LHFPL3: variants seen among roughly 807,000 people sequenced by gnomAD.
The protein encoded by LHFPL3 is LHFPL tetraspan subfamily member 3, also known as LHFPL tetraspan subfamily member 3 protein.
A neutral mutation model predicts 19.3 loss-of-function variants in LHFPL3; 5 were observed. That is an observed-to-expected ratio of 0.26 (90% CI 0.14 to 0.54). The LOEUF (loss-of-function observed/expected upper bound fraction) is 0.54, where lower values mean the gene tolerates loss of function less well. LHFPL3 is among the 20% of genes least tolerant of loss of function. LHFPL3 has a pLI of 0.94. For missense variants in LHFPL3, 249 were observed against 307.4 expected (o/e 0.81, Z 1.42); for synonymous variants, 133 against 126.2 (o/e 1.05, Z -0.36).
chr7:104,416,654 T>C (rs1791628562), intron 1 of LHFPL3, among the ~76,000 whole-genome samples: 1 of 152,236 alleles, frequency 6.6e-6, no homozygotes, highest in Non-Finnish European at 1.5e-5. Context: ...CAGAGAAACA[T>C]GCTCAGATGC....
intron 2 of LHFPL3, among the ~76,000 whole-genome samples, chr7:104,744,358 A>G (rs1794001262): frequency 6.6e-6 from 1 of 152,218 alleles, no homozygotes; most frequent in African/African-American, 2.4e-5. Context: ...AAAAAAAAGT[A>G]TCTTCAAGTG....
chr7:104,401,237 T>G (rs1053004517), intron 1 of LHFPL3, among the ~76,000 whole-genome samples: 1 of 152,204 alleles, frequency 6.6e-6, no homozygotes, highest in African/African-American at 2.4e-5. Flanking sequence ...TTCCTAATAT[T>G]TATCCCAAAT....
intron 2 of LHFPL3, among the ~76,000 whole-genome samples, chr7:104,887,451 G>A (rs1792171204): frequency 6.6e-6 from 1 of 152,142 alleles, no homozygotes; most frequent in South Asian, 2.1e-4. Flanking sequence ...AATCCCACTG[G>A]GGATTTCTGA....
At chr7:104,771,722 C>T (rs1211824511) in intron 2 of LHFPL3, among the ~76,000 whole-genome samples, 1 of 151,340 alleles carries the variant, frequency 6.6e-6, no homozygotes, top group Non-Finnish European at 1.5e-5. Flanking sequence ...CTACCCTCTC[C>T]AGTGAAAATA....
At chr7:104,446,188 T>C (rs373449369) in intron 1 of LHFPL3, among the ~76,000 whole-genome samples, 3 of 152,182 alleles carry the variant, frequency 2.0e-5, no homozygotes, top group Non-Finnish European at 4.4e-5. Context: ...TCAGTAGAAA[T>C]TGACTTAAAG....
rs55881808 is a variant in LHFPL3, at chr7:104,398,844, G to T, written c.445+69620G>T. Among the ~76,000 whole-genome samples, 538 of 70,572 alleles carry T rather than the reference G, an allele frequency of 7.6e-3. 4 individuals carry two copies. Among genetic ancestry groups the T allele is most frequent in the African/African-American group, 0.021 (505 of 24,398 alleles). The allele number at this position is 70,572 out of a possible 152,430, so 46.3% of individuals were successfully genotyped here. On this transcript the variant is annotated intron_variant, in intron 1 of 2. Coordinates refer to ENST00000424859, the MANE Select transcript of LHFPL3 (RefSeq NM_199000.3). ...CTTCTGGAAATGTTTTCTGATGCCC[G>T]CCCCCCGGCCCTGAATACTCCCTTA...
chr7:104,565,763 CTATCTATCT>C, intron 1 of LHFPL3, among the ~76,000 whole-genome samples: 1 of 148,676 alleles, frequency 6.7e-6, no homozygotes, highest in East Asian at 2.0e-4. Flanking sequence ...ATCTATCTAT[CTATCTATCT>C]AATCTATCTA....
chr7:104,801,551 A>ATGTT (rs1790245865), intron 2 of LHFPL3, among the ~76,000 whole-genome samples: 1 of 151,726 alleles, frequency 6.6e-6, no homozygotes, highest in Non-Finnish European at 1.5e-5. Context: ...TTGTTTTTGT[A>ATGTT]TGTTTGTTTG....
chr7:104,576,969 G>C (rs1443267352), intron 1 of LHFPL3, among the ~76,000 whole-genome samples: 1 of 152,060 alleles, frequency 6.6e-6, no homozygotes, highest in Non-Finnish European at 1.5e-5. Context: ...CCTTTCTTGG[G>C]CCTTGGGCTC....
At chr7:104,641,931 G>A (rs988525939) in intron 1 of LHFPL3, among the ~76,000 whole-genome samples, 1 of 151,882 alleles carries the variant, frequency 6.6e-6, no homozygotes, top group Admixed American at 6.6e-5. Context: ...CAAAATAGTA[G>A]CTGATGTTTT....
intron 2 of LHFPL3, among the ~76,000 whole-genome samples, chr7:104,836,420 C>G (rs1213729175): frequency 1.3e-5 from 2 of 152,120 alleles, no homozygotes; most frequent in Non-Finnish European, 2.9e-5. Flanking sequence ...GCGTGCTGGC[C>G]CCATATGCTA....
At chr7:104,471,083 G>A (rs957833581) in intron 1 of LHFPL3, among the ~76,000 whole-genome samples, 1 of 152,040 alleles carries the variant, frequency 6.6e-6, no homozygotes. Context: ...CTTTAAACAT[G>A]GAATTCTCGT....
intron 1 of LHFPL3, among the ~76,000 whole-genome samples, chr7:104,348,075 G>A (rs1349578042): frequency 6.6e-6 from 1 of 152,138 alleles, no homozygotes; most frequent in African/African-American, 2.4e-5. Flanking sequence ...ATTTCTGTAT[G>A]ATCTAAGCTC....
At chr7:104,805,932 G>T (rs1790352381) in intron 2 of LHFPL3, among the ~76,000 whole-genome samples, 1 of 152,178 alleles carries the variant, frequency 6.6e-6, no homozygotes, top group African/African-American at 2.4e-5. Flanking sequence ...TGATTCCACA[G>T]CTCAGTATAG....
At position 104,469,393 on chromosome 7, in the gene LHFPL3, T is replaced by C. The variant is rs1488281022; in HGVS notation, c.445+140169T>C. On this transcript the variant is annotated intron_variant, in intron 1 of 2. Transcript: ENST00000424859. ...CAGTGCTACTCATTTTGTGACTGTT[T>C]CCTGGTAGGCATTAGTTGGGAATGG... is the stretch of plus-strand genomic sequence containing the variant. Among the ~76,000 whole-genome samples, 3 of 152,348 alleles carry C rather than the reference T, an allele frequency of 2.0e-5. No individual in the cohort carries two copies. The East Asian group carries it at 5.8e-4, about 29-fold the overall frequency.
chr7:104,335,740 A>C (rs10245170), intron 1 of LHFPL3, among the ~76,000 whole-genome samples: 12 of 151,658 alleles, frequency 7.9e-5, no homozygotes, highest in Non-Finnish European at 1.8e-4. Context: ...GAAAACACCT[A>C]TTTGGTAATT....
chr7:104,834,978 CT>C (rs1373399842), intron 2 of LHFPL3, among the ~76,000 whole-genome samples: 2 of 151,886 alleles, frequency 1.3e-5, no homozygotes, highest in Non-Finnish European at 2.9e-5. Context: ...TTCACATTTT[CT>C]TTTTGTCATT....
intron 1 of LHFPL3, among the ~76,000 whole-genome samples, chr7:104,442,374 C>G (rs946804403): frequency 5.3e-5 from 8 of 151,914 alleles, no homozygotes; most frequent in Admixed American, 3.3e-4. Context: ...GATATTGACA[C>G]GACGCTTTGA....
At chr7:104,704,708 T>C (rs1294629554) in intron 1 of LHFPL3, among the ~76,000 whole-genome samples, 4 of 152,250 alleles carry the variant, frequency 2.6e-5, no homozygotes, top group East Asian at 1.9e-4. Context: ...TGATCACGGC[T>C]TACTACAGCC....
Sources: allele counts gnomAD v4.1 joint callset (sites outside exome capture counted in the v4.1 genomes callset), GRCh38; gene constraint gnomAD v4.1.1; transcripts MANE v1.5; gene names NCBI Gene and HGNC (gene_info 2026-07-23, HGNC 2026-07-21).